The following SORCS2 variants were observed in gnomAD, a reference collection of about 807,000 sequenced individuals.
SORCS2 encodes the protein VPS10 domain-containing receptor SorCS2.
A neutral mutation model predicts 141.6 loss-of-function variants in SORCS2; 100 were observed. The ratio of observed to expected loss-of-function variants is 0.71; its 90% CI spans 0.60 to 0.83. The LOEUF is 0.83. SORCS2 is among the 40% of genes least tolerant of loss of function. The probability of loss-of-function intolerance (pLI) is 0.00; values close to 1 mark genes in which losing one functional copy is unlikely to be tolerated. For synonymous variants in SORCS2, 789 were observed against 676.9 expected, an observed-to-expected ratio of 1.17 and a Z score of -2.57; for missense variants, 1,646 against 1,560.2, an observed-to-expected ratio of 1.05 and a Z score of -0.93.
At chr4:7,698,004 G>C (rs1345544750) in intron 12 of SORCS2, among the ~76,000 whole-genome samples, 3 of 152,138 alleles carry the variant, frequency 2.0e-5, no homozygotes, top group Non-Finnish European at 4.4e-5. Context: ...AGGGTGTGGA[G>C]AAAGCGAGGC....
intron 3 of SORCS2, among the ~76,000 whole-genome samples, chr4:7,611,237 C>T (rs932968112): frequency 6.6e-6 from 1 of 152,178 alleles, no homozygotes; most frequent in Non-Finnish European, 1.5e-5. Context: ...GCTGGGGCTT[C>T]CTGGCCTTCT....
chr4:7,590,615 G>C (rs1716854660), intron 3 of SORCS2, among the ~76,000 whole-genome samples: 1 of 152,196 alleles, frequency 6.6e-6, no homozygotes, highest in African/African-American at 2.4e-5. Flanking sequence ...CTCCATTTTT[G>C]AGATGTGGAA....
At position 7,442,742 on chromosome 4, in the gene SORCS2, G is replaced by T. The variant is rs150512206; in HGVS notation, c.548+46387G>T. Among the ~76,000 whole-genome samples the T allele has an allele frequency of 9.4e-3, 1,422 of 151,076 alleles. 10 individuals are homozygous for T. The highest frequency in any genetic ancestry group is 0.025 in the African/African-American group (1,007 of 41,048). On this transcript the variant is annotated intron_variant, in intron 2 of 26. Transcript: ENST00000507866. ...GAGCAGCACCCCCAGCCCAGCCCCA[G>T]CACGTGGGCTTTCGCAGGTGCCCTG...
chr4:7,218,435 A>G (rs1188773723), intron 1 of SORCS2, among the ~76,000 whole-genome samples: 1 of 152,224 alleles, frequency 6.6e-6, no homozygotes, highest in East Asian at 1.9e-4. Context: ...TTTTGCCTGA[A>G]AAGTTTTTTT....
chr4:7,728,360 A>C lies in SORCS2; in HGVS notation c.2880A>C (p.Gln960His). ...SRVLRVLDQFQVMPLQFSKEL... is the reference protein window; with the variant it reads ...SRVLRVLDQFHVMPLQFSKEL... ...TCTGCGTCTTTCCAGATCAATTTCA[A>C]GTCATGCCTCTGCAGTTTTCCAAGG... Residue 960 changes from glutamine to histidine, a missense_variant, in exon 22 of 27, where the codon CAA becomes CAC. Physicochemically the swap from Gln to His is conservative, Grantham distance 24. Coordinates refer to ENST00000507866, the MANE Select transcript of SORCS2 (RefSeq NM_020777.3). 6.2e-7 allele frequency: 1 copy of C among 1,613,326 alleles called. No homozygotes were observed. The highest frequency in any genetic ancestry group is 8.5e-7 in the Non-Finnish European group (1 of 1,179,576).
intron 1 of SORCS2, among the ~76,000 whole-genome samples, chr4:7,228,827 A>C (rs1711590245): frequency 6.6e-6 from 1 of 152,196 alleles, no homozygotes; most frequent in Non-Finnish European, 1.5e-5. Context: ...GACCAGGGCC[A>C]CCATCTAAAA....
chr4:7,639,493 T>TG lies in SORCS2; in HGVS notation c.813+1006dup, dbSNP rs543602325. On this transcript the variant is annotated intron_variant, in intron 4 of 26. Coordinates refer to ENST00000507866, the MANE Select transcript of SORCS2 (RefSeq NM_020777.3). ...CAGTGTGAATGGGTGTGAATGTGTG[T>TG]GGGGGTGGGTGTGAATGTGTGGGTT... 1.2e-3 allele frequency among the ~76,000 whole-genome samples: 168 copies of TG among 140,972 alleles called. 2 individuals are homozygous for TG. The highest frequency in any genetic ancestry group is 3.9e-3 in the African/African-American group (156 of 40,284). 92.5% of individuals were successfully genotyped at this position (140,972 alleles called of 152,430 possible). A position where few individuals can be genotyped will look rare whatever the true frequency, so the allele number is the denominator to read the frequency against.
intron 11 of SORCS2, among the ~76,000 whole-genome samples, chr4:7,690,387 G>A (rs1560486086): frequency 6.7e-6 from 1 of 150,288 alleles, no homozygotes; most frequent in Non-Finnish European, 1.5e-5. Flanking sequence ...GATGAATGAT[G>A]GATAGATGCT....
intron 3 of SORCS2, among the ~76,000 whole-genome samples, chr4:7,578,902 T>C (rs1715950718): frequency 6.6e-6 from 1 of 152,232 alleles, no homozygotes; most frequent in Non-Finnish European, 1.5e-5. Context: ...TATCCCTAAG[T>C]TTACTACTTC....
At chr4:7,418,631 C>A (rs1203110146) in intron 2 of SORCS2, among the ~76,000 whole-genome samples, 1 of 152,122 alleles carries the variant, frequency 6.6e-6, no homozygotes, top group African/African-American at 2.4e-5. Flanking sequence ...GGAAGCTGTG[C>A]CCTCTGCGGG....
intron 3 of SORCS2, among the ~76,000 whole-genome samples, chr4:7,571,627 G>A (rs1426232638): frequency 3.3e-5 from 5 of 152,024 alleles, no homozygotes; most frequent in African/African-American, 1.2e-4. Context: ...CATTCCCTGA[G>A]CAAGTGGAGG....
intron 18 of SORCS2, among the ~76,000 whole-genome samples, chr4:7,721,283 G>A (rs1726575449): frequency 1.3e-5 from 2 of 152,160 alleles, no homozygotes; most frequent in African/African-American, 4.8e-5. Context: ...TGGCCAACAT[G>A]ACGAAACCCT....
chr4:7,630,115 C>T (rs1443030485), intron 3 of SORCS2, among the ~76,000 whole-genome samples: 2 of 152,154 alleles, frequency 1.3e-5, no homozygotes, highest in Admixed American at 1.3e-4. Context: ...AGAAGTTGAC[C>T]AAGGCATCTG....
At chr4:7,365,420 G>A (rs1441394476) in intron 1 of SORCS2, among the ~76,000 whole-genome samples, 1 of 152,164 alleles carries the variant, frequency 6.6e-6, no homozygotes, top group Non-Finnish European at 1.5e-5. Context: ...GAGGGTTGGG[G>A]TGCAGGCTGA....
chr4:7,478,689 G>T (rs1455499059), intron 2 of SORCS2, among the ~76,000 whole-genome samples: 1 of 152,144 alleles, frequency 6.6e-6, no homozygotes, highest in African/African-American at 2.4e-5. Flanking sequence ...CCTGAGTGTG[G>T]GTGCCCGATC....
Position 7,227,883 on chromosome 4 carries a change from G to A in SORCS2, c.480+34757G>A, listed in dbSNP as rs889678834. ...GCAGCTCCCTCCCTGGAGGTGCGGTGGGCTCAGGGTGCCGGGGAGGGCATG... is the reference window on the plus strand; with the variant it reads ...GCAGCTCCCTCCCTGGAGGTGCGGTAGGCTCAGGGTGCCGGGGAGGGCATG... On this transcript the variant is annotated intron_variant, in intron 1 of 26. Transcript: ENST00000507866. Among the ~76,000 whole-genome samples, 272 of 152,276 alleles carry A rather than the reference G, an allele frequency of 1.8e-3. 2 individuals are homozygous for A. The highest frequency in any genetic ancestry group is 3.4e-4 in the Non-Finnish European group (23 of 68,022).
At chr4:7,638,086 A>T (rs1181486368) in intron 3 of SORCS2, among the ~76,000 whole-genome samples, 4 of 150,330 alleles carry the variant, frequency 2.7e-5, no homozygotes, top group African/African-American at 9.8e-5. Context: ...TGGCCCAGAC[A>T]CTCCATGAAT....
chr4:7,264,031 G>A (rs1403758711), intron 1 of SORCS2, among the ~76,000 whole-genome samples: 1 of 152,180 alleles, frequency 6.6e-6, no homozygotes, highest in Non-Finnish European at 1.5e-5. Context: ...CCGAGTGCCA[G>A]GTCCTGAGGT....
At chr4:7,502,118 G>T (rs1489174683) in intron 2 of SORCS2, among the ~76,000 whole-genome samples, 2 of 152,230 alleles carry the variant, frequency 1.3e-5, no homozygotes, top group African/African-American at 4.8e-5. Context: ...CCCTGGAGTG[G>T]CTGGGGTGGT....
Sources: gnomAD v4.1 joint callset for allele counts (sites outside exome capture counted in the v4.1 genomes callset) on GRCh38, gnomAD v4.1.1 for gene constraint, MANE v1.5 for transcripts, NCBI Gene and HGNC (gene_info 2026-07-23, HGNC 2026-07-21) for gene names.